NCAM2: variants seen among roughly 807,000 people sequenced by gnomAD.
NCAM2 encodes the protein neural cell adhesion molecule 2.
In NCAM2, 30 loss-of-function variants were observed where a neutral mutation model predicts 98.1. The observed-to-expected ratio is 0.31, with a 90% CI of 0.23 to 0.41. The LOEUF is 0.41. Among genes scored for constraint, NCAM2 ranks in the 10% least tolerant of loss-of-function variants. NCAM2 has a pLI of 1.00. For missense variants in NCAM2, 867 were observed against 1,005.8 expected (o/e 0.86, Z 1.87); for synonymous variants, 368 against 342.4 (o/e 1.07, Z -0.83).
intron 9 of NCAM2, among the ~76,000 whole-genome samples, chr21:21,409,335 C>A (rs2076809663): frequency 6.6e-6 from 1 of 151,854 alleles, no homozygotes; most frequent in African/African-American, 2.4e-5. Flanking sequence ...AGAATACAGA[C>A]CTGAAAAAAT....
chr21:21,083,190 G>C (rs1246084329), intron 1 of NCAM2, among the ~76,000 whole-genome samples: 1 of 152,124 alleles, frequency 6.6e-6, no homozygotes, highest in Admixed American at 6.5e-5. Context: ...TCTTAACGTG[G>C]TACATGGAAC....
intron 5 of NCAM2, among the ~76,000 whole-genome samples, chr21:21,319,687 A>G (rs945072250): frequency 9.4e-5 from 11 of 116,586 alleles, no homozygotes; most frequent in African/African-American, 2.0e-4. Context: ...GAAAAGGTCA[A>G]TAATTTTAGT....
At chr21:21,071,870 CCTATCTATCTAT>C (rs35549924) in intron 1 of NCAM2, among the ~76,000 whole-genome samples, 5,646 of 138,088 alleles carry the variant, frequency 0.041, 138 homozygotes, top group African/African-American at 0.063. Flanking sequence ...GTCATGTCTG[CCTATCTATCTAT>C]CTATCTATCT....
chr21:21,023,309 A>C (rs1398318512), intron 1 of NCAM2, among the ~76,000 whole-genome samples: 8 of 152,132 alleles, frequency 5.3e-5, no homozygotes, highest in Admixed American at 5.2e-4. Context: ...AGATCACTTG[A>C]GGTCAGGAGT....
intron 1 of NCAM2, among the ~76,000 whole-genome samples, chr21:21,262,216 T>G (rs1438669882): frequency 6.6e-6 from 1 of 151,988 alleles, no homozygotes; most frequent in Non-Finnish European, 1.5e-5. Context: ...CAGTAATAAA[T>G]AATCCACCAA....
intron 9 of NCAM2, among the ~76,000 whole-genome samples, chr21:21,406,238 G>GT (rs1248442730): frequency 1.3e-5 from 2 of 152,180 alleles, no homozygotes; most frequent in Non-Finnish European, 2.9e-5. Context: ...CAGCCAATGA[G>GT]TAGAGTGAGA....
intron 16 of NCAM2, among the ~76,000 whole-genome samples, chr21:21,510,375 A>G (rs1602528601): frequency 1.3e-5 from 2 of 152,044 alleles, no homozygotes; most frequent in Admixed American, 1.3e-4. Flanking sequence ...GGCCATTGCT[A>G]TTCCTGATTT....
intron 17 of NCAM2, among the ~76,000 whole-genome samples, chr21:21,537,114 T>G (rs900109839): frequency 6.6e-6 from 1 of 152,146 alleles, no homozygotes; most frequent in Non-Finnish European, 1.5e-5. Flanking sequence ...ATTATTATTA[T>G]TTGAGATGGA....
chr21:21,357,816 A>T (rs1253791414), intron 8 of NCAM2, among the ~76,000 whole-genome samples: 1 of 152,206 alleles, frequency 6.6e-6, no homozygotes, highest in African/African-American at 2.4e-5. Flanking sequence ...CAGAACAAAA[A>T]GCGAAGAACA....
intron 15 of NCAM2, among the ~76,000 whole-genome samples, chr21:21,480,362 A>G (rs1402706691): frequency 5.1e-4 from 64 of 125,896 alleles, no homozygotes; most frequent in Admixed American, 1.3e-3. Context: ...GCGAGACTCC[A>G]TCTCAAAAAA....
At chr21:21,446,733 C>G (rs1337851979) in intron 12 of NCAM2, among the ~76,000 whole-genome samples, 1 of 151,928 alleles carries the variant, frequency 6.6e-6, no homozygotes, top group Non-Finnish European at 1.5e-5. Context: ...GTGGAAAAGT[C>G]ACATATATTC....
chr21:21,414,692 A>G (rs891418164), intron 10 of NCAM2, among the ~76,000 whole-genome samples: 1 of 151,798 alleles, frequency 6.6e-6, no homozygotes, highest in East Asian at 1.9e-4. Flanking sequence ...GATGGTCTCC[A>G]TCTCCTGACC....
At chr21:21,112,619 T>C (rs544526144) in intron 1 of NCAM2, among the ~76,000 whole-genome samples, 1 of 152,294 alleles carries the variant, frequency 6.6e-6, no homozygotes, top group Admixed American at 6.5e-5. Context: ...TGCTGGATGG[T>C]ATCAGTCCTG....
At chr21:21,410,561 TAA>T in intron 10 of NCAM2, 100 bp downstream of exon 10, 1 of 589,958 alleles carries the variant, frequency 1.7e-6, no homozygotes, top group Non-Finnish European at 2.6e-6. Context: ...ATATATATAA[TAA>T]GAGAGAGAAA....
rs995878252 is a variant in NCAM2 at position 21,114,305 on chromosome 21, T to G, written c.55+115687T>G. Among the ~76,000 whole-genome samples, 109 of 152,340 alleles carry G rather than the reference T, an allele frequency of 7.2e-4. 1 individual carries two copies. Among genetic ancestry groups the G allele is most frequent in the African/African-American group, 2.5e-3 (102 of 41,586 alleles). ...CTGGTATTTTATTTTTTAAAGCCCT[T>G]TGCTCTCTACAAAAATTGTATTCTT... On this transcript the variant is annotated intron_variant, in intron 1 of 17. Transcript: ENST00000400546.
At chr21:21,426,391 T>C (rs191806511) in intron 11 of NCAM2, among the ~76,000 whole-genome samples, 3 of 152,248 alleles carry the variant, frequency 2.0e-5, no homozygotes, top group East Asian at 3.9e-4. Flanking sequence ...CCAATTCTTT[T>C]AGTATTTGAG....
At chr21:21,401,819 G>A (rs1201143507) in intron 9 of NCAM2, among the ~76,000 whole-genome samples, 1 of 152,132 alleles carries the variant, frequency 6.6e-6, no homozygotes, top group African/African-American at 2.4e-5. Context: ...TCACAAGTAG[G>A]ATAACTGGAT....
intron 5 of NCAM2, among the ~76,000 whole-genome samples, chr21:21,321,514 T>G (rs1041795954): frequency 1.3e-5 from 2 of 152,176 alleles, no homozygotes; most frequent in South Asian, 2.1e-4. Context: ...GTGTATGTCC[T>G]AAGTTTTTTT....
chr21:21,031,830 TCACA>T (rs899872875), intron 1 of NCAM2, among the ~76,000 whole-genome samples: 6 of 144,302 alleles, frequency 4.2e-5, no homozygotes, highest in African/African-American at 1.3e-4. Flanking sequence ...ACACACACAC[TCACA>T]CACACGTGTG....
Sources: allele counts gnomAD v4.1 joint callset (sites outside exome capture counted in the v4.1 genomes callset), GRCh38; gene constraint gnomAD v4.1.1; transcripts MANE v1.5; gene names NCBI Gene and HGNC (gene_info 2026-07-23, HGNC 2026-07-21).